The following SGK1 variants were observed in gnomAD, a reference collection of about 807,000 sequenced individuals.
SGK1 encodes the protein serine/threonine-protein kinase Sgk1.
A neutral mutation model predicts 64.2 loss-of-function variants in SGK1; 26 were observed. The observed-to-expected ratio is 0.40, with a 90% CI of 0.30 to 0.56. The LOEUF is 0.56. Among genes scored for constraint, SGK1 ranks in the 20% least tolerant of loss-of-function variants. The pLI is 0.38. For synonymous variants in SGK1, 265 were observed against 239.7 expected (o/e 1.11, Z -0.98); for missense variants, 519 against 645.6 (o/e 0.80, Z 2.12).
chr6:134,233,573 T>G (rs916552935), intron 2 of SGK1, among the ~76,000 whole-genome samples: 4 of 152,190 alleles, frequency 2.6e-5, no homozygotes, highest in African/African-American at 9.7e-5. Flanking sequence ...CAGCTACCAT[T>G]TTGAAGGCCT....
intron 1 of SGK1, among the ~76,000 whole-genome samples, chr6:134,271,502 G>C (rs1223177381): frequency 6.8e-6 from 1 of 147,684 alleles, no homozygotes; most frequent in Non-Finnish European, 1.5e-5. Context: ...AGAAATGCTG[G>C]TGTAATCAGT....
chr6:134,183,441 T>C (rs72972219), intron 3 of SGK1, among the ~76,000 whole-genome samples: 13,621 of 152,238 alleles, frequency 0.089, 701 homozygotes, highest in Middle Eastern at 0.15. Context: ...TTAATGTGAA[T>C]GGGTTCTTGA....
At chr6:134,239,258 C>T (rs544113320) in intron 2 of SGK1, among the ~76,000 whole-genome samples, 1 of 152,296 alleles carries the variant, frequency 6.6e-6, no homozygotes, top group African/African-American at 2.4e-5. Flanking sequence ...GCAGCTGGCC[C>T]CACTTCCCTC....
chr6:134,223,763 G>C (rs980731980), intron 2 of SGK1, among the ~76,000 whole-genome samples: 1 of 152,216 alleles, frequency 6.6e-6, no homozygotes. Context: ...AGACTGCTAC[G>C]TGTAATTGTT....
At chr6:134,228,906 C>T (rs796581678) in intron 2 of SGK1, among the ~76,000 whole-genome samples, 6 of 147,346 alleles carry the variant, frequency 4.1e-5, no homozygotes, top group African/African-American at 1.5e-4. Context: ...TGCAGTGGCG[C>T]GATCTCCGTT....
chr6:134,290,729 A>G (rs1271643729), intron 1 of SGK1, among the ~76,000 whole-genome samples: 1 of 152,060 alleles, frequency 6.6e-6, no homozygotes, highest in African/African-American at 2.4e-5. Context: ...TAGCTAGTTT[A>G]TTTTCTACTT....
intron 3 of SGK1, among the ~76,000 whole-genome samples, chr6:134,200,225 G>GAA (rs1240148245): frequency 5.3e-5 from 8 of 152,214 alleles, no homozygotes; most frequent in African/African-American, 1.9e-4. Flanking sequence ...GAATGCATGA[G>GAA]AAATTCTAAG....
intron 4 of SGK1, 109 bp downstream of exon 4, chr6:134,174,402 C>A: frequency 1.4e-6 from 1 of 726,970 alleles, no homozygotes; most frequent in Non-Finnish European, 2.3e-6. Flanking sequence ...AAATGAGATC[C>A]CCACCCCAGA....
chr6:134,313,643 C>G (rs536268233), intron 1 of SGK1, among the ~76,000 whole-genome samples: 1 of 151,976 alleles, frequency 6.6e-6, no homozygotes, highest in South Asian at 2.1e-4. Context: ...CACAGGTACT[C>G]AGTTTCCTCA....
chr6:134,213,636 A>AAAT (rs199773443), intron 2 of SGK1, among the ~76,000 whole-genome samples: 122 of 119,342 alleles, frequency 1.0e-3, no homozygotes, highest in Admixed American at 1.6e-3. Flanking sequence ...ATAAATAAAT[A>AAAT]AATAAATAAT....
intron 3 of SGK1, among the ~76,000 whole-genome samples, chr6:134,195,000 T>C (rs1200317073): frequency 6.6e-6 from 1 of 152,198 alleles, no homozygotes; most frequent in Admixed American, 6.5e-5. Flanking sequence ...GCCATATTAG[T>C]TTGATTCAAA....
At chr6:134,175,468 C>G in intron 3 of SGK1, 1 of 1,331,052 alleles carries the variant, frequency 7.5e-7, no homozygotes, top group Non-Finnish European at 9.7e-7. Context: ...AGAACTCCGA[C>G]GAAAGCCGGC....
Position 134,220,075 on chromosome 6 carries a change from A to T in SGK1, c.286-12644T>A, listed in dbSNP as rs1399748719. ...CTCCGTCTCAAAAAAAAAAAAAAAA[A>T]AAAAAAAAAAAAGAAAAGAAAAGAA... On this transcript the variant is annotated intron_variant, in intron 2 of 13. Coordinates refer to ENST00000367858, the MANE Select transcript of SGK1 (RefSeq NM_001143676.3). Among the ~76,000 whole-genome samples, 3 of 145,888 alleles carry T rather than the reference A, an allele frequency of 2.1e-5. No individual in the cohort carries two copies. The East Asian group carries it at 6.0e-4, about 29-fold the overall frequency.
At position 134,174,555 on chromosome 6, in the gene SGK1, G is replaced by A. The variant is rs536963764; in HGVS notation, c.393C>T (p.Asn131=). 1.1e-4 allele frequency: 183 copies of A among 1,613,870 alleles called. 1 individual carries two copies. In the South Asian group the frequency reaches 1.9e-3, roughly 17 times the overall value. Residue 131 remains asparagine, a synonymous_variant, in exon 4 of 14, where the codon AAC becomes AAT. Coordinates refer to ENST00000367858, the MANE Select transcript of SGK1 (RefSeq NM_001143676.3). ...TATTGGCAATCTTCTGAATAAAGTC[G>A]TTCAGACCCATCCTCCTCTGCTTCA... The part of the protein sequence containing the change: ...AFMKQRRMGL[N]DFIQKIANNS...
chr6:134,220,254 T>A (rs1260961631), intron 2 of SGK1, among the ~76,000 whole-genome samples: 2 of 152,058 alleles, frequency 1.3e-5, no homozygotes, highest in Non-Finnish European at 2.9e-5. Context: ...GTAGCCAAAG[T>A]TAATCTATCA....
chr6:134,218,860 A>G (rs1032600573), intron 2 of SGK1: 2 of 152,154 alleles, frequency 1.3e-5, no homozygotes, highest in African/African-American at 4.8e-5. Context: ...CATCTTACCT[A>G]ATTTTTTCAA....
At chr6:134,226,878 G>C (rs2114708508) in intron 2 of SGK1, among the ~76,000 whole-genome samples, 1 of 151,992 alleles carries the variant, frequency 6.6e-6, no homozygotes, top group African/African-American at 2.4e-5. Context: ...TGTAGAGATG[G>C]GGTCTTGCTA....
chr6:134,262,950 A>AT (rs1365981084), intron 1 of SGK1, among the ~76,000 whole-genome samples: 1 of 151,846 alleles, frequency 6.6e-6, no homozygotes, highest in African/African-American at 2.4e-5. Context: ...GATCACAGGT[A>AT]TAAGTCACTG....
intron 1 of SGK1, among the ~76,000 whole-genome samples, chr6:134,308,588 T>C (rs28629243): frequency 0.12 from 18,141 of 152,014 alleles, 1,267 homozygotes; most frequent in African/African-American, 0.19. Context: ...ACAGAGTCTC[T>C]CTCTGTCACC....
Sources: gnomAD v4.1 joint callset for allele counts (sites outside exome capture counted in the v4.1 genomes callset) on GRCh38, gnomAD v4.1.1 for gene constraint, MANE v1.5 for transcripts, NCBI Gene and HGNC (gene_info 2026-07-23, HGNC 2026-07-21) for gene names.